KIAA1671: variants seen among roughly 807,000 people sequenced by gnomAD.
The protein encoded by KIAA1671 is KIAA1671, also known as uncharacterized protein KIAA1671.
In KIAA1671, 52 loss-of-function variants were observed where a neutral mutation model predicts 131.2. The observed-to-expected ratio is 0.40, with a 90% CI of 0.32 to 0.50. The LOEUF (loss-of-function observed/expected upper bound fraction) is 0.50. Among genes scored for constraint, KIAA1671 ranks in the 20% least tolerant of loss-of-function variants. The probability of loss-of-function intolerance (pLI) is 0.73; values close to 1 mark genes in which losing one functional copy is unlikely to be tolerated. For missense variants in KIAA1671, 2,360 were observed against 2,364.2 expected (o/e 1.00, Z 0.04); for synonymous variants, 1,003 against 961.6 (o/e 1.04, Z -0.80).
rs1338790414 is a variant in KIAA1671 at position 25,009,252 on chromosome 22, ACTT to A, written c.-207-16380_-207-16378del. 2.4e-4 allele frequency among the ~76,000 whole-genome samples: 17 copies of A among 71,090 alleles called. No homozygotes were observed. The East Asian group carries it at 6.6e-3, about 28-fold the overall frequency. The allele number at this position is 71,090 out of a possible 152,430, so 46.6% of individuals were successfully genotyped here. ...TATTTCTTGGCACTCTCCCTTCCCCACTTTTTTTTTTTTTTTTTTTTTTTTTTT... is the reference window on the plus strand; with the variant it reads ...TATTTCTTGGCACTCTCCCTTCCCCATTTTTTTTTTTTTTTTTTTTTTTTT... On this transcript the variant is annotated intron_variant, in intron 1 of 12. Transcript: ENST00000358431.
At chr22:25,072,636 C>T (rs981521310) in intron 6 of KIAA1671, among the ~76,000 whole-genome samples, 9 of 152,164 alleles carry the variant, frequency 5.9e-5, no homozygotes, top group Middle Eastern at 6.3e-3. Flanking sequence ...GGAATGTGGA[C>T]CTGGATTCTG....
intron 8 of KIAA1671, 96 bp downstream of exon 8, chr22:25,174,585 C>A (rs1248054730): frequency 3.6e-6 from 5 of 1,379,518 alleles, no homozygotes; most frequent in East Asian, 5.0e-5. Context: ...TGCCAGGGAC[C>A]CTTGGAGTGG....
chr22:24,998,181 G>A (rs1208775224), intron 1 of KIAA1671, among the ~76,000 whole-genome samples: 2 of 152,004 alleles, frequency 1.3e-5, no homozygotes, highest in African/African-American at 4.8e-5. Flanking sequence ...CTGAAGGATC[G>A]CTTGAGCCCA....
At chr22:25,023,548 T>C (rs1925784173) in intron 1 of KIAA1671, 1 of 152,152 alleles carries the variant, frequency 6.6e-6, no homozygotes, top group Non-Finnish European at 1.5e-5. Context: ...TACAGTTAAA[T>C]TGGTTTCCCT....
intron 6 of KIAA1671, chr22:25,053,120 T>C (rs1407363350): frequency 2.0e-5 from 3 of 152,340 alleles, no homozygotes; most frequent in Middle Eastern, 3.4e-3. Context: ...TTTCTGCAGT[T>C]GAGGAGACAG....
intron 6 of KIAA1671, among the ~76,000 whole-genome samples, chr22:25,160,643 C>CA (rs1260528952): frequency 6.6e-6 from 1 of 152,136 alleles, no homozygotes; most frequent in African/African-American, 2.4e-5. Flanking sequence ...AGCCTGCAGC[C>CA]AGGAGATCAG....
intron 1 of KIAA1671, among the ~76,000 whole-genome samples, chr22:24,984,192 G>A (rs1247671570): frequency 6.6e-6 from 1 of 152,144 alleles, no homozygotes; most frequent in African/African-American, 2.4e-5. Context: ...CAGTGACTGA[G>A]GGTACATGCC....
intron 1 of KIAA1671, among the ~76,000 whole-genome samples, chr22:24,990,161 G>A (rs1372362886): frequency 2.0e-5 from 3 of 151,996 alleles, no homozygotes; most frequent in African/African-American, 7.2e-5. Context: ...TGTGATCTCA[G>A]CTCGCTGCAA....
At chr22:25,044,772 C>A (rs1018894064) in intron 5 of KIAA1671, among the ~76,000 whole-genome samples, 9 of 152,180 alleles carry the variant, frequency 5.9e-5, no homozygotes, top group African/African-American at 2.2e-4. Context: ...TATGTCCTTT[C>A]GGACTTTCCT....
At chr22:25,182,274 C>T (rs947410227) in intron 10 of KIAA1671, among the ~76,000 whole-genome samples, 5 of 150,742 alleles carry the variant, frequency 3.3e-5, no homozygotes, top group African/African-American at 1.2e-4. Context: ...TCCCTTCTTC[C>T]TCCCTCCCTT....
intron 6 of KIAA1671, among the ~76,000 whole-genome samples, chr22:25,113,902 T>C (rs1931520533): frequency 6.6e-6 from 1 of 152,234 alleles, no homozygotes; most frequent in Non-Finnish European, 1.5e-5. Context: ...GCTCTGTCTC[T>C]GTTTGTTTCT....
rs1928944293 is a variant in KIAA1671 at position 25,073,642 on chromosome 22, CA to C, written c.4530+24280del. 2.0e-5 allele frequency among the ~76,000 whole-genome samples: 3 copies of C among 152,194 alleles called. No homozygotes were observed. In the South Asian group the frequency reaches 6.2e-4, roughly 31 times the overall value. Reference sequence around the variant, plus strand: ...TAGACATACTCATCCTTTAGAACTGCAACTTTGTACCCTTTAACATCTTTCC... The same window carrying C: ...TAGACATACTCATCCTTTAGAACTGCACTTTGTACCCTTTAACATCTTTCC... On this transcript the variant is annotated intron_variant, in intron 6 of 12. Transcript: ENST00000358431.
At chr22:24,970,786 T>C (rs940326313) in intron 1 of KIAA1671, among the ~76,000 whole-genome samples, 3 of 151,596 alleles carry the variant, frequency 2.0e-5, no homozygotes, top group African/African-American at 7.3e-5. Context: ...TGAATTTGTG[T>C]TGGGCTCATT....
In KIAA1671 at chr22:25,093,842, C is replaced by CTCTT. The variant is rs1568951637; in HGVS notation, c.4530+44481_4530+44482insTTCT. On this transcript the variant is annotated intron_variant, in intron 6 of 12. Coordinates refer to ENST00000358431, the MANE Select transcript of KIAA1671 (RefSeq NM_001145206.2). ...TCTCTCTTTCTCTCTCTGTCTGTCT[C>CTCTT]TCTCTCTCTCTCTCTCTCTCTCTCT... Among the ~76,000 whole-genome samples, 62 of 64,090 alleles carry CTCTT rather than the reference C, an allele frequency of 9.7e-4. 5 individuals carry two copies. The highest frequency in any genetic ancestry group is 1.7e-3 in the African/African-American group (34 of 20,052). The allele number at this position is 64,090 out of a possible 152,430, so 42.0% of individuals were successfully genotyped here.
intron 1 of KIAA1671, chr22:25,024,034 T>C (rs1239131234): frequency 1.3e-5 from 2 of 152,220 alleles, no homozygotes; most frequent in African/African-American, 4.8e-5. Context: ...CAACTGTGTT[T>C]ACATATCAGA....
chr22:25,067,430 C>G (rs1348789504), intron 6 of KIAA1671, among the ~76,000 whole-genome samples: 1 of 152,060 alleles, frequency 6.6e-6, no homozygotes, highest in Non-Finnish European at 1.5e-5. Context: ...GGGGTTCATC[C>G]CTTGCCCTGC....
chr22:24,966,767 A>G (rs1395458378), intron 1 of KIAA1671, among the ~76,000 whole-genome samples: 5 of 152,158 alleles, frequency 3.3e-5, no homozygotes, highest in Non-Finnish European at 7.4e-5. Context: ...AGCCTGGGCA[A>G]CAGAGTGAGA....
At position 25,174,308 on chromosome 22, in the gene KIAA1671, C is replaced by T. The variant is rs1205927785; in HGVS notation, c.4718C>T (p.Ser1573Phe). The T allele has an allele frequency of 2.6e-6, 4 of 1,551,698 alleles. No individual in the cohort carries two copies. Among genetic ancestry groups the T allele is most frequent in the Middle Eastern group, 1.7e-4 (1 of 6,014 alleles). Reference sequence around the variant, plus strand: ...AAACAGCCCCCCAGCAGCCGTTTGTCTTCTCTGTCCTCCCAAACGGAGCCC... The same window carrying T: ...AAACAGCCCCCCAGCAGCCGTTTGTTTTCTCTGTCCTCCCAAACGGAGCCC... Reference protein sequence around the residue: ...TRKQPPSSRLSSLSSQTEPTS... With the variant: ...TRKQPPSSRLFSLSSQTEPTS... Residue 1573 changes from serine to phenylalanine, a missense_variant, in exon 8 of 13, where the codon TCT (serine) becomes TTT (phenylalanine). Physicochemically the swap from Ser to Phe is radical, Grantham distance 155 (BLOSUM62 -2). Transcript: ENST00000358431.
At chr22:25,050,072 T>C (rs56024241) in intron 6 of KIAA1671, 36,964 of 152,194 alleles carry the variant, frequency 0.24, 6,610 homozygotes, top group African/African-American at 0.51. Context: ...ACAATAAGTG[T>C]CATCGTCACA....
Sources: gnomAD v4.1 joint callset for allele counts (sites outside exome capture counted in the v4.1 genomes callset) on GRCh38, gnomAD v4.1.1 for gene constraint, MANE v1.5 for transcripts, NCBI Gene and HGNC (gene_info 2026-07-23, HGNC 2026-07-21) for gene names.